Variants in FBXL17 observed in about 807,000 individuals in gnomAD.
FBXL17 encodes F-box and leucine rich repeat protein 17, also known as F-box/LRR-repeat protein 17.
Under a neutral mutation model 66.2 loss-of-function variants are expected in FBXL17, and 22 were observed. The observed-to-expected ratio is 0.33, with a 90% CI of 0.24 to 0.47. The LOEUF is 0.47. Among genes scored for constraint, FBXL17 ranks in the 20% least tolerant of loss-of-function variants. FBXL17 has a pLI of 1.00. For missense variants in FBXL17, 878 were observed against 948.2 expected, an observed-to-expected ratio of 0.93 and a Z score of 0.97; for synonymous variants, 474 against 400.5, an observed-to-expected ratio of 1.18 and a Z score of -2.19.
chr5:108,316,636 TATTC>T, intron 4 of FBXL17, among the ~76,000 whole-genome samples: 1 of 151,442 alleles, frequency 6.6e-6, no homozygotes, highest in East Asian at 1.9e-4. Context: ...TAACGATGTC[TATTC>T]ATTATTATAC....
At chr5:108,109,908 G>A (rs1749964690) in intron 6 of FBXL17, among the ~76,000 whole-genome samples, 3 of 152,180 alleles carry the variant, frequency 2.0e-5, no homozygotes, top group Non-Finnish European at 1.5e-5. Flanking sequence ...GGGTCATGGG[G>A]TTGAGGGAGA....
chr5:107,932,646 G>A (rs937951638), intron 7 of FBXL17, among the ~76,000 whole-genome samples: 9 of 151,960 alleles, frequency 5.9e-5, no homozygotes, highest in African/African-American at 2.2e-4. Flanking sequence ...AGCATACGGT[G>A]AAAAAATTTC....
At chr5:108,020,609 C>T (rs1030844818) in intron 7 of FBXL17, among the ~76,000 whole-genome samples, 2 of 151,682 alleles carry the variant, frequency 1.3e-5, no homozygotes, top group Non-Finnish European at 3.0e-5. Context: ...TTATGCTCAA[C>T]ATTTTATTGT....
At chr5:107,987,971 T>C (rs1753085605) in intron 7 of FBXL17, among the ~76,000 whole-genome samples, 1 of 152,052 alleles carries the variant, frequency 6.6e-6, no homozygotes, top group Admixed American at 6.6e-5. Context: ...TGTCTAAATA[T>C]TGGTTAAAAG....
At chr5:108,249,419 G>A (rs1756249988) in intron 4 of FBXL17, among the ~76,000 whole-genome samples, 1 of 152,088 alleles carries the variant, frequency 6.6e-6, no homozygotes, top group Non-Finnish European at 1.5e-5. Flanking sequence ...TTACTATCTG[G>A]TCAAACAAAT....
Position 108,027,447 on chromosome 5 carries a change from C to T in FBXL17, c.1746-6446G>A, listed in dbSNP as rs140315540. Among the ~76,000 whole-genome samples, 961 of 152,252 alleles carry T rather than the reference C, an allele frequency of 6.3e-3. 11 individuals are homozygous for T. Among genetic ancestry groups the T allele is most frequent in the African/African-American group, 0.022 (930 of 41,568 alleles). Reference sequence around the variant, plus strand: ...AACTAAACCTTACATAACAAGTTAACATTTTCTAAGCATTCCTCAGAATAT... The same window carrying T: ...AACTAAACCTTACATAACAAGTTAATATTTTCTAAGCATTCCTCAGAATAT... On this transcript the variant is annotated intron_variant, in intron 6 of 8. Coordinates refer to ENST00000542267, the MANE Select transcript of FBXL17 (RefSeq NM_001163315.3).
chr5:108,049,752 G>T (rs1747399258), intron 6 of FBXL17, among the ~76,000 whole-genome samples: 1 of 152,142 alleles, frequency 6.6e-6, no homozygotes, highest in African/African-American at 2.4e-5. Flanking sequence ...AAACTTAAAT[G>T]TAAATGGGCT....
In FBXL17 at chr5:108,126,887, G is replaced by T. The variant is rs112646095; in HGVS notation, c.1745+59230C>A. 6.6e-5 allele frequency among the ~76,000 whole-genome samples: 10 copies of T among 151,666 alleles called. 2 individuals carry two copies. Among genetic ancestry groups the T allele is most frequent in the African/African-American group, 2.4e-4 (10 of 41,434 alleles). On this transcript the variant is annotated intron_variant, in intron 6 of 8. Transcript: ENST00000542267. ...CCATTGAGAGTCAAAAGAAAATATC[G>T]TGTCAACTAAAAGTAAAAGCAAAAA...
rs1412990698 is a variant in FBXL17, at chr5:107,860,957, T to C, written c.*763A>G. 4.6e-5 allele frequency: 7 copies of C among 152,192 alleles called. No homozygotes were observed. The highest frequency in any genetic ancestry group is 3.9e-4 in the Admixed American group (6 of 15,276). 9.4% of individuals were successfully genotyped at this position (152,192 alleles called of 1,614,324 possible). On this transcript the variant is annotated 3_prime_UTR_variant, in exon 9 of 9. Transcript: ENST00000542267. ...ATCCAGGAAATAAAAGCTAACACAA[T>C]GTTAACATAAAACCAACTAAAATAT... is the stretch of plus-strand genomic sequence containing the variant.
chr5:108,188,220 G>A (rs1753318891), intron 5 of FBXL17, among the ~76,000 whole-genome samples: 1 of 152,134 alleles, frequency 6.6e-6, no homozygotes. Context: ...AGTTCATAGA[G>A]TCACTACTCA....
intron 6 of FBXL17, among the ~76,000 whole-genome samples, chr5:108,078,212 A>G (rs1748628969): frequency 6.6e-6 from 1 of 152,154 alleles, no homozygotes; most frequent in Non-Finnish European, 1.5e-5. Context: ...GAACTAATCT[A>G]TGCTCAGGAG....
intron 3 of FBXL17, among the ~76,000 whole-genome samples, chr5:108,362,835 A>G (rs1748428551): frequency 6.6e-6 from 1 of 152,232 alleles, no homozygotes; most frequent in Non-Finnish European, 1.5e-5. Context: ...AGTTATAAAG[A>G]AAATATATTC....
chr5:108,141,672 C>T (rs906199054), intron 6 of FBXL17, among the ~76,000 whole-genome samples: 9 of 152,174 alleles, frequency 5.9e-5, no homozygotes, highest in Non-Finnish European at 8.8e-5. Flanking sequence ...GAGAAATTTT[C>T]AAACACCTCA....
At chr5:108,208,220 G>C (rs989812120) in intron 5 of FBXL17, among the ~76,000 whole-genome samples, 1 of 152,168 alleles carries the variant, frequency 6.6e-6, no homozygotes, top group Non-Finnish European at 1.5e-5. Context: ...TTAACCCTTT[G>C]TCAGATGGAT....
At chr5:108,155,242 C>T (rs11954908) in intron 6 of FBXL17, among the ~76,000 whole-genome samples, 1,676 of 152,220 alleles carry the variant, frequency 0.011, 41 homozygotes, top group African/African-American at 0.038. Flanking sequence ...TTAGGCTGGG[C>T]GCGGTGCCTC....
chr5:107,926,109 G>A (rs1277605107), intron 7 of FBXL17, among the ~76,000 whole-genome samples: 6 of 152,150 alleles, frequency 3.9e-5, no homozygotes, highest in African/African-American at 1.4e-4. Context: ...ACTTTATTTA[G>A]TTCATTGCTA....
At chr5:108,215,475 T>C (rs1461074338) in intron 5 of FBXL17, among the ~76,000 whole-genome samples, 2 of 152,214 alleles carry the variant, frequency 1.3e-5, no homozygotes, top group Non-Finnish European at 2.9e-5. Flanking sequence ...TAACTAATAA[T>C]GTTGAGCAGC....
intron 6 of FBXL17, among the ~76,000 whole-genome samples, chr5:108,110,236 T>C (rs896447782): frequency 6.6e-6 from 1 of 152,150 alleles, no homozygotes; most frequent in Admixed American, 6.5e-5. Flanking sequence ...GAGCATAATT[T>C]TGAATTAATC....
At chr5:108,330,881 C>T (rs561748513) in intron 4 of FBXL17, among the ~76,000 whole-genome samples, 8 of 152,132 alleles carry the variant, frequency 5.3e-5, no homozygotes, top group African/African-American at 1.9e-4. Flanking sequence ...GAAACCTCGT[C>T]TCTACTAAAA....
Sources: allele counts gnomAD v4.1 joint callset (sites outside exome capture counted in the v4.1 genomes callset), GRCh38; gene constraint gnomAD v4.1.1; transcripts MANE v1.5; gene names NCBI Gene and HGNC (gene_info 2026-07-23, HGNC 2026-07-21).